ITGB6: variants seen among roughly 807,000 people sequenced by gnomAD.
ITGB6 encodes integrin beta-6.
Under a neutral mutation model 84.5 loss-of-function variants are expected in ITGB6, and 80 were observed. That is an observed-to-expected ratio of 0.95 (90% confidence interval 0.79 to 1.14). The LOEUF (loss-of-function observed/expected upper bound fraction) is 1.14, where lower values mean the gene tolerates loss of function less well. Ranked by LOEUF, ITGB6 falls within the 50% of genes most tolerant of loss-of-function variation. The probability of loss-of-function intolerance (pLI) is 0.00; values close to 1 mark genes in which losing one functional copy is unlikely to be tolerated. For missense variants in ITGB6, 1,006 were observed against 968.0 expected (o/e 1.04, Z -0.52); for synonymous variants, 383 against 354.9 (o/e 1.08, Z -0.89).
At chr2:160,138,732 T>C (rs766827665) in intron 8 of ITGB6, among the ~76,000 whole-genome samples, 1 of 152,218 alleles carries the variant, frequency 6.6e-6, no homozygotes, top group Admixed American at 6.5e-5. Flanking sequence ...ATTTGCTTCA[T>C]TGATAACAAA....
chr2:160,188,247 G>A (rs555183957), intron 4 of ITGB6, among the ~76,000 whole-genome samples: 1 of 152,180 alleles, frequency 6.6e-6, no homozygotes, highest in East Asian at 1.9e-4. Flanking sequence ...TTTTTATCTT[G>A]ACATGTATAT....
intron 8 of ITGB6, among the ~76,000 whole-genome samples, chr2:160,140,003 G>T (rs146140490): frequency 6.6e-6 from 1 of 152,116 alleles, no homozygotes; most frequent in Non-Finnish European, 1.5e-5. Context: ...AACACAAATT[G>T]TCTACCTCTG....
intron 7 of ITGB6, among the ~76,000 whole-genome samples, chr2:160,148,107 A>G (rs1202225224): frequency 6.6e-6 from 1 of 152,268 alleles, no homozygotes; most frequent in African/African-American, 2.4e-5. Context: ...AAGAACTCTT[A>G]ACAAGAAAAC....
intron 7 of ITGB6, among the ~76,000 whole-genome samples, chr2:160,145,419 C>T (rs1188772970): frequency 6.6e-6 from 1 of 152,200 alleles, no homozygotes; most frequent in Non-Finnish European, 1.5e-5. Context: ...TTCTTAACTT[C>T]CTTCTTCAAG....
chr2:160,182,713 G>C (rs763774444), intron 4 of ITGB6, among the ~76,000 whole-genome samples: 1 of 152,186 alleles, frequency 6.6e-6, no homozygotes, highest in Non-Finnish European at 1.5e-5. Context: ...AGGTTGAAAT[G>C]AAGGAAAAAT....
At chr2:160,132,611 G>A (rs1683514335) in intron 10 of ITGB6, among the ~76,000 whole-genome samples, 2 of 152,100 alleles carry the variant, frequency 1.3e-5, no homozygotes, top group South Asian at 4.1e-4. Flanking sequence ...CAGAGATATT[G>A]AAGCTTAAAT....
intron 14 of ITGB6, among the ~76,000 whole-genome samples, chr2:160,105,305 G>A (rs1696864907): frequency 6.6e-6 from 1 of 152,082 alleles, no homozygotes. Context: ...CAAAAATTCA[G>A]CATTTGAATT....
chr2:160,119,860 A>G (rs1192639902), intron 12 of ITGB6, among the ~76,000 whole-genome samples: 1 of 152,254 alleles, frequency 6.6e-6, no homozygotes, highest in Non-Finnish European at 1.5e-5. Context: ...GGCCAAGGAT[A>G]TGAACAGACA....
chr2:160,168,367 A>G (rs985255676), intron 7 of ITGB6, among the ~76,000 whole-genome samples: 4 of 152,184 alleles, frequency 2.6e-5, no homozygotes, highest in African/African-American at 7.2e-5. Context: ...GGTCCTTTCA[A>G]AAGGAATGAG....
In ITGB6 at chr2:160,165,027, A is replaced by G. The variant is rs149265825; in HGVS notation, c.1017+4185T>C. ...TCCTCAGTCTTTGTTCCCAGATACT[A>G]TCAATTAAGGAGAAATGAAAATACT... On this transcript the variant is annotated intron_variant, in intron 7 of 14. Transcript: ENST00000283249. 4.1e-3 allele frequency among the ~76,000 whole-genome samples: 620 copies of G among 152,328 alleles called. 3 individuals carry two copies. The highest frequency in any genetic ancestry group is 0.014 in the African/African-American group (581 of 41,566).
chr2:160,179,052 T>C (rs1344635040), intron 4 of ITGB6: 1 of 152,152 alleles, frequency 6.6e-6, no homozygotes, highest in Non-Finnish European at 1.5e-5. Context: ...AATAGGCACC[T>C]CTCACCAAAT....
At chr2:160,168,718 T>A (rs1165444303) in intron 7 of ITGB6, among the ~76,000 whole-genome samples, 1 of 152,220 alleles carries the variant, frequency 6.6e-6, no homozygotes, top group Non-Finnish European at 1.5e-5. Context: ...AATTGTATTT[T>A]GGCCCCATAT....
intron 6 of ITGB6, 72 bp from the exon 7 acceptor site, chr2:160,169,379 A>G (rs1305017042): frequency 2.2e-6 from 2 of 891,570 alleles, no homozygotes; most frequent in Middle Eastern, 2.3e-4. Flanking sequence ...TATTTATTTC[A>G]AAGATACCTT....
intron 7 of ITGB6, among the ~76,000 whole-genome samples, chr2:160,152,010 A>T (rs965842291): frequency 2.0e-5 from 3 of 152,176 alleles, no homozygotes; most frequent in Non-Finnish European, 2.9e-5. Context: ...CCGAATTCTA[A>T]CAGAGATACA....
In ITGB6 at chr2:160,134,137, A is replaced by T. The variant is rs576265060; in HGVS notation, c.1660+3297T>A. ...AGGAGCTGGTTTTTTGAAAAGATCA[A>T]CAAAATTGATAGACCACTAGCAAGA... is the stretch of plus-strand genomic sequence containing the variant. On this transcript the variant is annotated intron_variant, in intron 10 of 14. Transcript: ENST00000283249. Among the ~76,000 whole-genome samples, 14 of 152,336 alleles carry T rather than the reference A, an allele frequency of 9.2e-5. No individual in the cohort carries two copies. The East Asian group carries it at 2.1e-3, about 23-fold the overall frequency.
At chr2:160,128,868 C>T (rs1217777721) in intron 10 of ITGB6, among the ~76,000 whole-genome samples, 1 of 151,988 alleles carries the variant, frequency 6.6e-6, no homozygotes. Context: ...CACTTTTGGC[C>T]CTGAGGAGCT....
chr2:160,140,342 A>G (rs1199938610), intron 8 of ITGB6, among the ~76,000 whole-genome samples: 1 of 152,256 alleles, frequency 6.6e-6, no homozygotes, highest in Non-Finnish European at 1.5e-5. Flanking sequence ...CTTGATTTCA[A>G]CTACCCTGTA....
intron 11 of ITGB6, 83 bp downstream of exon 11, chr2:160,126,296 G>T: frequency 7.9e-7 from 1 of 1,266,346 alleles, no homozygotes; most frequent in Non-Finnish European, 1.1e-6. Context: ...TACAATCTGA[G>T]GTCTGAGTTT....
chr2:160,147,295 T>G (rs973083938), intron 7 of ITGB6, among the ~76,000 whole-genome samples: 5 of 152,144 alleles, frequency 3.3e-5, no homozygotes, highest in African/African-American at 1.2e-4. Context: ...TTTATCACTG[T>G]AGAAGTCAGG....
Sources: gnomAD v4.1 joint callset for allele counts (sites outside exome capture counted in the v4.1 genomes callset) on GRCh38, gnomAD v4.1.1 for gene constraint, MANE v1.5 for transcripts, NCBI Gene and HGNC (gene_info 2026-07-23, HGNC 2026-07-21) for gene names.